The following ABHD5 variants were observed in gnomAD, a reference collection of about 807,000 sequenced individuals.
The protein encoded by ABHD5 is abhydrolase domain containing 5, lysophosphatidic acid acyltransferase.
ABHD5 carries 30 observed loss-of-function variants against 44.9 expected under a neutral mutation model. The observed-to-expected ratio is 0.67, with a 90% CI of 0.50 to 0.91. The LOEUF is 0.91. Among genes scored for constraint, ABHD5 ranks in the 40% least tolerant of loss-of-function variants. The probability of loss-of-function intolerance (pLI) is 0.00; values close to 1 mark genes in which losing one functional copy is unlikely to be tolerated. For synonymous variants in ABHD5, 167 were observed against 147.0 expected (o/e 1.14, Z -0.99); for missense variants, 399 against 423.4 (o/e 0.94, Z 0.50).
chr3:43,711,158 G>A (rs1212966650), intron 3 of ABHD5, among the ~76,000 whole-genome samples: 1 of 152,140 alleles, frequency 6.6e-6, no homozygotes, highest in Non-Finnish European at 1.5e-5. Flanking sequence ...TCCACGTTAC[G>A]TTATCCTCAT....
At chr3:43,730,898 G>C (rs537396878) in intron 7 of ABHD5, among the ~76,000 whole-genome samples, 1 of 151,778 alleles carries the variant, frequency 6.6e-6, no homozygotes, top group Non-Finnish European at 1.5e-5. Context: ...GAGCAATCTT[G>C]GGTCACTGCA....
At chr3:43,692,619 A>G (rs1327703510) in intron 1 of ABHD5, among the ~76,000 whole-genome samples, 1 of 152,214 alleles carries the variant, frequency 6.6e-6, no homozygotes, top group Non-Finnish European at 1.5e-5. Context: ...TCCAGTGACT[A>G]TCCCCAGAAG....
chr3:43,702,843 A>G lies in ABHD5; in HGVS notation c.506+256A>G, dbSNP rs1015348068. On this transcript the variant is annotated intron_variant, in intron 3 of 6. Transcript: ENST00000644371. ...TTAAGCTTAGAATTGTAGAAACTTT[A>G]ATGTATAATTTTAAGCCACAAGTAA... 5.3e-5 allele frequency among the ~76,000 whole-genome samples: 8 copies of G among 152,226 alleles called. No individual in the cohort carries two copies. In the East Asian group the frequency reaches 5.8e-4, roughly 11 times the overall value.
intron 1 of ABHD5, among the ~76,000 whole-genome samples, chr3:43,692,984 G>T (rs905202845): frequency 5.3e-5 from 8 of 152,172 alleles, no homozygotes; most frequent in Non-Finnish European, 1.2e-4. Flanking sequence ...CCTTTGCTTT[G>T]TGGCACTTAG....
At chr3:43,715,485 T>C (rs2084752874) in intron 5 of ABHD5, among the ~76,000 whole-genome samples, 1 of 152,110 alleles carries the variant, frequency 6.6e-6, no homozygotes, top group South Asian at 2.1e-4. Context: ...ATATCAGTGG[T>C]CCAGAAGATT....
At chr3:43,706,587 A>G (rs369316721) in intron 3 of ABHD5, among the ~76,000 whole-genome samples, 2 of 151,648 alleles carry the variant, frequency 1.3e-5, no homozygotes, top group Non-Finnish European at 2.9e-5. Flanking sequence ...CCGTGTAGCT[A>G]GTACTACAGG....
chr3:43,711,745 C>T lies in ABHD5; in HGVS notation c.543C>T (p.Phe181=), dbSNP rs2149602358. The T allele has an allele frequency of 6.2e-7, 1 of 1,614,168 alleles. No homozygotes were observed. The highest frequency in any genetic ancestry group is 8.5e-7 in the Non-Finnish European group (1 of 1,180,032). Reference sequence around the variant, plus strand: ...TCATTTTAGTGGAGCCTTGGGGTTTCCCTGAACGACCAGACCTTGCTGATC... The same window carrying T: ...TCATTTTAGTGGAGCCTTGGGGTTTTCCTGAACGACCAGACCTTGCTGATC... ...NHLILVEPWG[F]PERPDLADQD... is the part of the protein sequence containing the mutation. Residue 181 remains phenylalanine (F), a synonymous_variant, in exon 4 of 7, where the codon TTC becomes TTT. Transcript: ENST00000644371.
In ABHD5 at chr3:43,699,307, T is replaced by A. The variant is rs376238187; in HGVS notation, c.79T>A (p.Trp27Arg). The change falls in exon 2 of 7, where the codon TGG (tryptophan) becomes AGG (arginine). Residue 27 changes from tryptophan to arginine, a missense_variant. Coordinates refer to ENST00000644371, the MANE Select transcript of ABHD5 (RefSeq NM_016006.6). ...ATGGCTAACTGGTTGGCTCCCCACA[T>A]GGTGCCCTACGTCTATATCACACCT... ...SGWLTGWLPTWCPTSISHLKE... is the reference protein window; with the variant it reads ...SGWLTGWLPTRCPTSISHLKE... 6 of 1,613,988 alleles carry A rather than the reference T, an allele frequency of 3.7e-6. No individual in the cohort carries two copies. The African/African-American group carries it at 8.0e-5, about 22-fold the overall frequency.
At chr3:43,727,288 G>A (rs991053092), downstream of ABHD5, among the ~76,000 whole-genome samples, 2 of 152,136 alleles carry the variant, frequency 1.3e-5, no homozygotes. Flanking sequence ...GTGTCTTCAG[G>A]TGGTGGTTTC....
At chr3:43,704,846 G>A (rs540830533) in intron 3 of ABHD5, among the ~76,000 whole-genome samples, 4 of 152,296 alleles carry the variant, frequency 2.6e-5, no homozygotes, top group African/African-American at 4.8e-5. Context: ...TCAGGACCAA[G>A]AATCATAAGT....
chr3:43,690,905 C>G, upstream of ABHD5: 2 of 1,408,350 alleles, frequency 1.4e-6, no homozygotes, highest in Non-Finnish European at 1.9e-6. Flanking sequence ...CGGCCTGCGC[C>G]GCCTTAAGTG....
chr3:43,728,769 T>C (rs1334466119), intron 7 of ABHD5, among the ~76,000 whole-genome samples: 2 of 152,198 alleles, frequency 1.3e-5, no homozygotes, highest in African/African-American at 4.8e-5. Context: ...GAGATAGATC[T>C]GAGAACTAAG....
At chr3:43,713,445 T>C (rs889296330) in intron 4 of ABHD5, among the ~76,000 whole-genome samples, 1 of 151,954 alleles carries the variant, frequency 6.6e-6, no homozygotes, top group Non-Finnish European at 1.5e-5. Flanking sequence ...TGCAGGTGAC[T>C]GTAAATGCTG....
At position 43,717,808 on chromosome 3, in the gene ABHD5, C is replaced by T. The variant is rs1239719847; in HGVS notation, c.911C>T (p.Ser304Phe). 5.0e-6 allele frequency: 8 copies of T among 1,614,216 alleles called. No individual in the cohort carries two copies. The African/African-American group carries it at 9.3e-5, about 19-fold the overall frequency. ...FGARSCIDGN[S>F]GTSIQSLRPH... ...GCCCGATCCTGCATAGATGGCAATT[C>T]TGGCACCAGCATCCAGTCCTTACGA... is the stretch of plus-strand genomic sequence containing the variant. Residue 304 changes from serine (S) to phenylalanine (F), a missense_variant, in exon 6 of 7, where the codon TCT (serine) becomes TTT (phenylalanine). Physicochemically the swap from Ser to Phe is radical, Grantham distance 155. Coordinates refer to ENST00000644371, the MANE Select transcript of ABHD5 (RefSeq NM_016006.6).
At chr3:43,702,649 C>G (rs1435158399) in intron 3 of ABHD5, 62 bp downstream of exon 3, 6 of 1,612,264 alleles carry the variant, frequency 3.7e-6, no homozygotes, top group Non-Finnish European at 5.1e-6. Flanking sequence ...GACTCTAGTT[C>G]CCATCTTTGG....
chr3:43,690,943 G>A lies in ABHD5; in HGVS notation c.-50G>A, dbSNP rs532635420. 3 of 1,541,090 alleles carry A rather than the reference G, an allele frequency of 1.9e-6. No homozygotes were observed. The highest frequency in any genetic ancestry group is 2.7e-5 in the East Asian group (1 of 37,662). On this transcript the variant is annotated 5_prime_UTR_variant, in exon 1 of 7. Coordinates refer to ENST00000644371, the MANE Select transcript of ABHD5 (RefSeq NM_016006.6). ...GCGCCAGCCCGGGGCGGCCCAGTCG[G>A]CCTGTCAGCCGGCTTCGAGATAAGT...
Position 43,690,972 on chromosome 3 carries a change from G to A in ABHD5, c.-21G>A, listed in dbSNP as rs1163389541. 15 of 1,569,434 alleles carry A rather than the reference G, an allele frequency of 9.6e-6. No individual in the cohort carries two copies. Among genetic ancestry groups the A allele is most frequent in the African/African-American group, 2.8e-5 (2 of 70,808 alleles). On this transcript the variant is annotated 5_prime_UTR_variant, in exon 1 of 7. Transcript: ENST00000644371. The stretch of plus-strand genomic sequence containing the variant: ...GTCAGCCGGCTTCGAGATAAGTCCC[G>A]GCGCTTGCGCGGCGGCGGCTATGGC...
At chr3:43,700,725 C>A (rs374668088) in intron 2 of ABHD5, among the ~76,000 whole-genome samples, 30 of 145,786 alleles carry the variant, frequency 2.1e-4, no homozygotes, top group African/African-American at 7.4e-4. Context: ...AGGCACCTGC[C>A]ACCATACCCA....
intron 4 of ABHD5, among the ~76,000 whole-genome samples, chr3:43,713,322 CAAAA>C (rs78532050): frequency 1.3e-4 from 6 of 46,890 alleles, no homozygotes; most frequent in South Asian, 6.3e-4. Context: ...GACCCTGTCT[CAAAA>C]AAAAAAAAAA....
Sources: allele counts gnomAD v4.1 joint callset (sites outside exome capture counted in the v4.1 genomes callset), GRCh38; gene constraint gnomAD v4.1.1; transcripts MANE v1.5; gene names NCBI Gene and HGNC (gene_info 2026-07-23, HGNC 2026-07-21).